Variants in C12orf42 observed in about 807,000 individuals in gnomAD.
C12orf42 encodes uncharacterized protein C12orf42.
Under a neutral mutation model 21.6 loss-of-function variants are expected in C12orf42, and 25 were observed. The ratio of observed to expected loss-of-function variants is 1.16; its 90% CI spans 0.84 to 1.62. The LOEUF (loss-of-function observed/expected upper bound fraction) is 1.62. Ranked by LOEUF, C12orf42 falls within the 40% of genes most tolerant of loss-of-function variation. The pLI, the probability that C12orf42 is intolerant of heterozygous loss-of-function variation, is 0.00. For missense variants in C12orf42, 483 were observed against 459.3 expected, an observed-to-expected ratio of 1.05 and a Z score of -0.47; for synonymous variants, 174 against 175.0, an observed-to-expected ratio of 0.99 and a Z score of 0.05.
At chr12:103,319,313 A>G (rs1041310719) in intron 4 of C12orf42, among the ~76,000 whole-genome samples, 18 of 152,364 alleles carry the variant, frequency 1.2e-4, no homozygotes, top group African/African-American at 3.8e-4. Flanking sequence ...CTATGGATAA[A>G]TAATTCTGAT....
chr12:103,276,358 C>T (rs2035772212), intron 5 of C12orf42, among the ~76,000 whole-genome samples: 1 of 152,130 alleles, frequency 6.6e-6, no homozygotes, highest in Non-Finnish European at 1.5e-5. Context: ...CTAGTGTTTG[C>T]AGAAGATTCT....
the C12orf42 span, among the ~76,000 whole-genome samples, chr12:103,227,130 A>G: frequency 6.6e-6 from 1 of 152,052 alleles, no homozygotes; most frequent in Admixed American, 6.6e-5. Flanking sequence ...AAGGGAGTAG[A>G]AGGAGGAATG....
At chr12:103,320,382 T>G (rs1223233263) in intron 4 of C12orf42, among the ~76,000 whole-genome samples, 1 of 152,168 alleles carries the variant, frequency 6.6e-6, no homozygotes, top group East Asian at 1.9e-4. Context: ...TTTTAACGCC[T>G]CAGAGTCTTC....
At chr12:103,329,117 G>T (rs1299627299) in intron 4 of C12orf42, among the ~76,000 whole-genome samples, 1 of 151,174 alleles carries the variant, frequency 6.6e-6, no homozygotes, top group African/African-American at 2.4e-5. Flanking sequence ...CTATGGCAGG[G>T]ACGCAGGCAT....
the C12orf42 span, among the ~76,000 whole-genome samples, chr12:103,213,560 C>A: frequency 6.6e-6 from 1 of 152,176 alleles, no homozygotes; most frequent in Non-Finnish European, 1.5e-5. Context: ...GTCCTCAGTG[C>A]CAGCAAAACA....
rs773156921 is a variant in C12orf42, at chr12:103,368,784, T to C, written c.259+103A>G. On this transcript the variant is annotated intron_variant, in intron 4 of 5. Transcript: ENST00000548883. ...CCTCTTTTGTTGCCATTTTGAAACA[T>C]AGCACAACTGTTCTTCAATACAATC... 84 of 622,330 alleles carry C rather than the reference T, an allele frequency of 1.3e-4. 1 individual carries two copies. The highest frequency in any genetic ancestry group is 1.7e-4 in the Non-Finnish European group (64 of 367,198). 38.6% of individuals were successfully genotyped at this position (622,330 alleles called of 1,614,324 possible).
At chr12:103,384,672 G>C (rs760386913) in intron 3 of C12orf42, among the ~76,000 whole-genome samples, 1 of 152,154 alleles carries the variant, frequency 6.6e-6, no homozygotes, top group Non-Finnish European at 1.5e-5. Context: ...AGAGACTAAA[G>C]AGCAGAATAG....
intron 3 of C12orf42, among the ~76,000 whole-genome samples, chr12:103,374,999 A>G (rs1484554545): frequency 6.6e-6 from 1 of 152,230 alleles, no homozygotes; most frequent in Non-Finnish European, 1.5e-5. Context: ...ATTTGCTACA[A>G]CTTACAACCC....
the C12orf42 span, among the ~76,000 whole-genome samples, chr12:103,507,119 T>A: frequency 2.5e-4 from 3 of 11,960 alleles, no homozygotes; most frequent in Admixed American, 1.5e-3. Context: ...AAATATATAT[T>A]TATATATAAT....
chr12:103,449,081 TGATAGATA>T (rs56702467), intron 2 of C12orf42, among the ~76,000 whole-genome samples: 2,918 of 146,586 alleles, frequency 0.02, 37 homozygotes, highest in Middle Eastern at 0.028. Context: ...AAAGAAAATA[TGATAGATA>T]GATAGATAGA....
At chr12:103,417,889 T>C (rs938226346) in intron 2 of C12orf42, among the ~76,000 whole-genome samples, 9 of 152,204 alleles carry the variant, frequency 5.9e-5, no homozygotes, top group Non-Finnish European at 1.2e-4. Context: ...AATGGCATTA[T>C]TAACATGAGA....
At chr12:103,187,001 A>G in the C12orf42 span, among the ~76,000 whole-genome samples, 1 of 152,164 alleles carries the variant, frequency 6.6e-6, no homozygotes, top group Non-Finnish European at 1.5e-5. Context: ...ACTCTAACTC[A>G]CAAAAGCACA....
the C12orf42 span, among the ~76,000 whole-genome samples, chr12:103,124,662 G>A: frequency 1.2e-3 from 190 of 152,272 alleles, no homozygotes; most frequent in Admixed American, 2.0e-3. Flanking sequence ...GGTTGAGAAG[G>A]ACAGAGAGGG....
chr12:103,452,923 G>A (rs947049400), intron 2 of C12orf42, among the ~76,000 whole-genome samples: 3 of 151,860 alleles, frequency 2.0e-5, no homozygotes, highest in South Asian at 2.1e-4. Context: ...TATACCTAAT[G>A]TAAATGACGA....
At chr12:103,285,737 G>A (rs1011536636) in intron 4 of C12orf42, among the ~76,000 whole-genome samples, 1 of 152,172 alleles carries the variant, frequency 6.6e-6, no homozygotes, top group South Asian at 2.1e-4. Context: ...AATCAGCTTC[G>A]TTGTATATGG....
chr12:103,194,142 A>AT, the C12orf42 span, among the ~76,000 whole-genome samples: 3 of 150,416 alleles, frequency 2.0e-5, no homozygotes, highest in Non-Finnish European at 4.5e-5. Context: ...AAAAAAAAAA[A>AT]CTCAAAAAAT....
At chr12:103,048,843 G>T in the C12orf42 span, among the ~76,000 whole-genome samples, 1 of 152,076 alleles carries the variant, frequency 6.6e-6, no homozygotes, top group Non-Finnish European at 1.5e-5. Context: ...GTTCTCACAA[G>T]AAGCCCAGAA....
At chr12:103,051,123 GA>G in the C12orf42 span, among the ~76,000 whole-genome samples, 1 of 152,104 alleles carries the variant, frequency 6.6e-6, no homozygotes, top group South Asian at 2.1e-4. Flanking sequence ...CAAATCTTAA[GA>G]AAATCATAAT....
At chr12:103,294,432 A>G (rs1193082835) in intron 4 of C12orf42, among the ~76,000 whole-genome samples, 2,466 of 85,214 alleles carry the variant, frequency 0.029, 21 homozygotes, top group East Asian at 0.055. Flanking sequence ...GAGAGAGAGA[A>G]AGAAAGAAAG....
Sources: gnomAD v4.1 joint callset for allele counts (sites outside exome capture counted in the v4.1 genomes callset) on GRCh38, gnomAD v4.1.1 for gene constraint, MANE v1.5 for transcripts, NCBI Gene and HGNC (gene_info 2026-07-23, HGNC 2026-07-21) for gene names.